EBF1: variants seen among roughly 807,000 people sequenced by gnomAD.
The protein encoded by EBF1 is EBF transcription factor 1, also known as transcription factor COE1.
In EBF1, 10 loss-of-function variants were observed where a neutral mutation model predicts 68.4. The ratio of observed to expected loss-of-function variants is 0.15; its 90% confidence interval spans 0.09 to 0.25. EBF1 has a LOEUF of 0.25. EBF1 is among the 10% of genes least tolerant of loss of function. EBF1 has a pLI of 1.00. For synonymous variants in EBF1, 298 were observed against 299.8 expected (o/e 0.99, Z 0.06); for missense variants, 509 against 794.4 (o/e 0.64, Z 4.32).
intron 6 of EBF1, among the ~76,000 whole-genome samples, chr5:158,842,385 C>T (rs572677359): frequency 2.5e-4 from 38 of 152,320 alleles, no homozygotes; most frequent in South Asian, 6.2e-4. Context: ...CTTTCAAGAA[C>T]AGTCAGTTAG....
intron 6 of EBF1, among the ~76,000 whole-genome samples, chr5:159,072,040 A>G (rs533293708): frequency 6.6e-6 from 1 of 152,360 alleles, no homozygotes; most frequent in Non-Finnish European, 1.5e-5. Flanking sequence ...CAACTATATG[A>G]ACAGTATATC....
intron 6 of EBF1, among the ~76,000 whole-genome samples, chr5:158,908,540 C>G (rs550516180): frequency 1.2e-4 from 18 of 152,142 alleles, no homozygotes; most frequent in African/African-American, 3.4e-4. Context: ...TTAAATTAAC[C>G]ACTCTAGGTT....
chr5:158,893,129 T>A (rs1801509628), intron 6 of EBF1, among the ~76,000 whole-genome samples: 1 of 152,204 alleles, frequency 6.6e-6, no homozygotes, highest in Admixed American at 6.5e-5. Flanking sequence ...AAAATCCACA[T>A]GTCAAAATGT....
intron 7 of EBF1, among the ~76,000 whole-genome samples, chr5:158,832,756 G>A (rs1486258237): frequency 3.9e-5 from 6 of 152,118 alleles, no homozygotes; most frequent in Non-Finnish European, 8.8e-5. Flanking sequence ...GAGATACCAT[G>A]GCTTGTTAAG....
At chr5:158,950,726 T>G (rs1815777629) in intron 6 of EBF1, among the ~76,000 whole-genome samples, 1 of 152,214 alleles carries the variant, frequency 6.6e-6, no homozygotes, top group Admixed American at 6.5e-5. Context: ...AATCTCATCA[T>G]GACTATACCA....
intron 15 of EBF1, among the ~76,000 whole-genome samples, chr5:158,699,577 T>C (rs1260170727): frequency 6.6e-6 from 1 of 152,170 alleles, no homozygotes; most frequent in Non-Finnish European, 1.5e-5. Flanking sequence ...TACAAAAAAC[T>C]TGGCATTCCC....
At chr5:158,722,495 G>T (rs1361754538) in intron 11 of EBF1, among the ~76,000 whole-genome samples, 1 of 152,072 alleles carries the variant, frequency 6.6e-6, no homozygotes, top group East Asian at 1.9e-4. Flanking sequence ...TTGTATGTTT[G>T]GTGTGTGTGT....
chr5:158,833,695 G>C (rs1272465374), intron 7 of EBF1, among the ~76,000 whole-genome samples: 1 of 152,190 alleles, frequency 6.6e-6, no homozygotes, highest in Non-Finnish European at 1.5e-5. Flanking sequence ...AAGGAGTCCA[G>C]GTCCCCAAAT....
chr5:158,739,168 T>C (rs1765789847), intron 10 of EBF1, among the ~76,000 whole-genome samples: 1 of 152,194 alleles, frequency 6.6e-6, no homozygotes, highest in South Asian at 2.1e-4. Flanking sequence ...ATTAAACCAA[T>C]TTATACTACA....
chr5:158,967,903 A>T (rs934960722), intron 6 of EBF1, among the ~76,000 whole-genome samples: 5 of 152,208 alleles, frequency 3.3e-5, no homozygotes, highest in Admixed American at 3.3e-4. Flanking sequence ...AATGAATTAC[A>T]CATAGATGCT....
At position 158,697,988 on chromosome 5, in the gene EBF1, C is replaced by A. The variant is rs1440754192; in HGVS notation, c.*1123G>T. ...CCCCGGTTCCCTTTAACTCTTAATT[C>A]CAAAGCACTTAACCTGTTGTTTCAA... On this transcript the variant is annotated 3_prime_UTR_variant, in exon 16 of 16. Coordinates refer to ENST00000313708, the MANE Select transcript of EBF1 (RefSeq NM_024007.5). The A allele has an allele frequency of 1.4e-5, 3 of 211,934 alleles. No individual in the cohort carries two copies. The highest frequency in any genetic ancestry group is 2.9e-5 in the Non-Finnish European group (3 of 104,676). The allele number at this position is 211,934 out of a possible 1,614,324, so 13.1% of individuals were successfully genotyped here. A position where few individuals can be genotyped will look rare whatever the true frequency, so the allele number is the denominator to read the frequency against.
At chr5:159,091,788 G>T (rs951471904) in intron 4 of EBF1, among the ~76,000 whole-genome samples, 6 of 152,166 alleles carry the variant, frequency 3.9e-5, no homozygotes, top group African/African-American at 7.2e-5. Context: ...CATTTCTGAT[G>T]ATTGTACCTT....
At chr5:158,746,659 G>A (rs922885350) in intron 10 of EBF1, among the ~76,000 whole-genome samples, 1 of 152,064 alleles carries the variant, frequency 6.6e-6, no homozygotes, top group East Asian at 1.9e-4. Context: ...AAAAAAAAGT[G>A]ACCTTCCTTC....
chr5:158,739,495 A>AT (rs964264914), intron 10 of EBF1, among the ~76,000 whole-genome samples: 155 of 150,362 alleles, frequency 1.0e-3, no homozygotes, highest in African/African-American at 2.7e-3. Flanking sequence ...AATGTACACA[A>AT]TTTTTTTTTT....
At chr5:158,914,108 C>G (rs1273664138) in intron 6 of EBF1, among the ~76,000 whole-genome samples, 2 of 152,112 alleles carry the variant, frequency 1.3e-5, no homozygotes, top group African/African-American at 4.8e-5. Context: ...TGGGACACAC[C>G]AGCTGTTTAA....
In EBF1 at chr5:158,816,503, C is replaced by T. The variant is rs377352286; in HGVS notation, c.778+6673G>A. ...AATGAGGAAGAGTGAAAGAAATGACCTTCCATCCTTCACTGACTTCACTCA... is the reference window on the plus strand; with the variant it reads ...AATGAGGAAGAGTGAAAGAAATGACTTTCCATCCTTCACTGACTTCACTCA... On this transcript the variant is annotated intron_variant, in intron 8 of 15. Transcript: ENST00000313708. 1.2e-4 allele frequency among the ~76,000 whole-genome samples: 18 copies of T among 152,324 alleles called. No individual in the cohort carries two copies. The South Asian group carries it at 3.7e-3, about 32-fold the overall frequency.
chr5:159,029,975 T>C (rs771321469), intron 6 of EBF1, among the ~76,000 whole-genome samples: 39 of 151,198 alleles, frequency 2.6e-4, no homozygotes, highest in Non-Finnish European at 4.4e-4. Flanking sequence ...AAAAAAACTA[T>C]AAATATGAAT....
intron 6 of EBF1, among the ~76,000 whole-genome samples, chr5:158,901,671 A>G (rs1803375283): frequency 6.6e-6 from 1 of 152,262 alleles, no homozygotes; most frequent in South Asian, 2.1e-4. Context: ...TATGCTAGGC[A>G]TATGTTAGTT....
At chr5:159,091,808 A>G (rs1255631875) in intron 4 of EBF1, among the ~76,000 whole-genome samples, 1 of 152,200 alleles carries the variant, frequency 6.6e-6, no homozygotes, top group Non-Finnish European at 1.5e-5. Context: ...TGGACCCCCC[A>G]CTGTCCTGGG....
Sources: gnomAD v4.1 joint callset for allele counts (sites outside exome capture counted in the v4.1 genomes callset) on GRCh38, gnomAD v4.1.1 for gene constraint, MANE v1.5 for transcripts, NCBI Gene and HGNC (gene_info 2026-07-23, HGNC 2026-07-21) for gene names.